Variants in AASS observed in about 807,000 individuals in gnomAD.
AASS encodes alpha-aminoadipic semialdehyde synthase, mitochondrial.
A neutral mutation model predicts 105.4 loss-of-function variants in AASS; 86 were observed. The ratio of observed to expected loss-of-function variants is 0.82; its 90% CI spans 0.69 to 0.98. The LOEUF (loss-of-function observed/expected upper bound fraction) is 0.98. Among genes scored for constraint, AASS ranks in the 50% least tolerant of loss-of-function variants. The probability of loss-of-function intolerance (pLI) is 0.00; values close to 1 mark genes in which losing one functional copy is unlikely to be tolerated. For synonymous variants in AASS, 381 were observed against 394.8 expected, an observed-to-expected ratio of 0.96 and a Z score of 0.41; for missense variants, 1,048 against 1,143.2, an observed-to-expected ratio of 0.92 and a Z score of 1.20.
intron 9 of AASS, 41 bp downstream of exon 9, chr7:122,115,033 G>A (rs1795101586): frequency 6.2e-7 from 1 of 1,613,784 alleles, no homozygotes; most frequent in Non-Finnish European, 8.5e-7. Context: ...AATGGAAGCA[G>A]CTGGTCAAAA....
At chr7:122,118,224 A>G in intron 6 of AASS, 83 bp downstream of exon 6, 2 of 1,498,012 alleles carry the variant, frequency 1.3e-6, no homozygotes, top group Admixed American at 3.4e-5. Context: ...CATTTGAAAT[A>G]CCCACAAAAT....
chr7:122,110,237 A>G (rs1018049326), intron 11 of AASS, among the ~76,000 whole-genome samples: 9 of 151,898 alleles, frequency 5.9e-5, no homozygotes, highest in African/African-American at 2.2e-4. Flanking sequence ...GATCAAGTCC[A>G]GGTAAAACAG....
intron 18 of AASS, among the ~76,000 whole-genome samples, chr7:122,087,931 T>C (rs1351444869): frequency 6.6e-6 from 1 of 152,144 alleles, no homozygotes; most frequent in Non-Finnish European, 1.5e-5. Flanking sequence ...TGAATGGCAA[T>C]GATTCATTTA....
intron 1 of AASS, among the ~76,000 whole-genome samples, chr7:122,143,228 C>T (rs1308283587): frequency 6.6e-6 from 1 of 152,114 alleles, no homozygotes; most frequent in Non-Finnish European, 1.5e-5. Context: ...AACTACATCT[C>T]ACAGCTGCAC....
intron 13 of AASS, among the ~76,000 whole-genome samples, chr7:122,099,849 G>A (rs1794344188): frequency 2.6e-5 from 4 of 151,810 alleles, no homozygotes. Context: ...ATGTGAAGAG[G>A]TCTCATTTAA....
rs1364885162 is a variant in AASS, at chr7:122,118,648, C to T, written c.473-18G>A. ...GATCATTCCTGTTACAGAATCAGACCAATAGAAAGACTATTAGTTGGGAAG... is the reference window on the plus strand; with the variant it reads ...GATCATTCCTGTTACAGAATCAGACTAATAGAAAGACTATTAGTTGGGAAG... On this transcript the variant is annotated intron_variant, in intron 4 of 23. Coordinates refer to ENST00000417368, the MANE Select transcript of AASS (RefSeq NM_005763.4). The T allele has an allele frequency of 1.2e-6, 2 of 1,610,684 alleles. No homozygotes were observed. The highest frequency in any genetic ancestry group is 1.7e-5 in the Admixed American group (1 of 59,914).
chr7:122,114,119 A>C (rs1377185264), intron 9 of AASS, among the ~76,000 whole-genome samples: 1 of 152,150 alleles, frequency 6.6e-6, no homozygotes, highest in Non-Finnish European at 1.5e-5. Context: ...AAATCTCTAG[A>C]ATTACGAACA....
intron 15 of AASS, among the ~76,000 whole-genome samples, chr7:122,097,368 T>C (rs1438519292): frequency 1.3e-5 from 2 of 152,072 alleles, no homozygotes; most frequent in Non-Finnish European, 2.9e-5. Flanking sequence ...ATTTATTTAT[T>C]TATTTATTAC....
intron 18 of AASS, among the ~76,000 whole-genome samples, chr7:122,087,422 G>A (rs1323362694): frequency 6.6e-6 from 1 of 152,204 alleles, no homozygotes; most frequent in African/African-American, 2.4e-5. Context: ...TCTGAATGAA[G>A]GATGTGAGGA....
At chr7:122,092,245 C>T (rs1793939087) in intron 17 of AASS, among the ~76,000 whole-genome samples, 1 of 151,720 alleles carries the variant, frequency 6.6e-6, no homozygotes, top group Non-Finnish European at 1.5e-5. Context: ...TAGTACCTCG[C>T]CAAAGGTACT....
At chr7:122,098,926 A>G (rs1429712970) in intron 13 of AASS, 60 bp from the exon 14 acceptor site, 172 of 1,467,564 alleles carry the variant, frequency 1.2e-4, no homozygotes, top group Non-Finnish European at 1.4e-4. Context: ...ATTTTTTTTT[A>G]AATAACAGAA....
At chr7:122,101,998 T>G (rs1431137048) in intron 11 of AASS, among the ~76,000 whole-genome samples, 3 of 151,898 alleles carry the variant, frequency 2.0e-5, no homozygotes, top group Admixed American at 6.6e-5. Context: ...TTGTCAAATA[T>G]CTTCACAAGC....
At chr7:122,140,401 C>T (rs1167993300) in intron 1 of AASS, among the ~76,000 whole-genome samples, 2 of 144,948 alleles carry the variant, frequency 1.4e-5, no homozygotes, top group Non-Finnish European at 3.0e-5. Flanking sequence ...TGGAGAATGG[C>T]GTGGAACCCG....
At chr7:122,085,638 T>A (rs558990803) in intron 19 of AASS, among the ~76,000 whole-genome samples, 179 of 152,256 alleles carry the variant, frequency 1.2e-3, no homozygotes, top group African/African-American at 4.1e-3. Flanking sequence ...TCATTTTTTA[T>A]TCCCACTGAA....
intron 21 of AASS, chr7:122,079,227 T>A (rs997802251): frequency 1.5e-6 from 2 of 1,373,018 alleles, no homozygotes; most frequent in East Asian, 6.0e-5. Flanking sequence ...ATGAGATTAA[T>A]TTATAGGTTA....
At chr7:122,142,030 A>G (rs1335449281) in intron 1 of AASS, among the ~76,000 whole-genome samples, 1 of 152,174 alleles carries the variant, frequency 6.6e-6, no homozygotes, top group African/African-American at 2.4e-5. Context: ...CATTCACCTA[A>G]GCTACCTGCA....
At chr7:122,111,221 T>G (rs1794916844) in intron 11 of AASS, among the ~76,000 whole-genome samples, 1 of 152,090 alleles carries the variant, frequency 6.6e-6, no homozygotes, top group Non-Finnish European at 1.5e-5. Flanking sequence ...ACACTCATAA[T>G]TAATGAAAAG....
intron 4 of AASS, among the ~76,000 whole-genome samples, chr7:122,124,922 ATTTG>A (rs1415913571): frequency 6.6e-6 from 1 of 151,870 alleles, no homozygotes; most frequent in Admixed American, 6.6e-5. Context: ...AAAACAATGA[ATTTG>A]TTTGTTTCTT....
chr7:122,078,194 C>T (rs1793117785), intron 22 of AASS, among the ~76,000 whole-genome samples, 180 bp from the exon 23 acceptor site: 2 of 152,122 alleles, frequency 1.3e-5, no homozygotes, highest in South Asian at 4.1e-4. Flanking sequence ...GAAATTAGAA[C>T]TCTGATCTCA....
Sources: allele counts gnomAD v4.1 joint callset (sites outside exome capture counted in the v4.1 genomes callset), GRCh38; gene constraint gnomAD v4.1.1; transcripts MANE v1.5; gene names NCBI Gene and HGNC (gene_info 2026-07-23, HGNC 2026-07-21).